TLN2: variants seen among roughly 807,000 people sequenced by gnomAD.
TLN2 encodes talin 2, also known as talin-2.
TLN2 carries 118 observed loss-of-function variants against 294.7 expected under a neutral mutation model. That is an observed-to-expected ratio of 0.40 (90% CI 0.34 to 0.47). The LOEUF is 0.47. Ranked by LOEUF, TLN2 falls within the 20% of genes least tolerant of loss-of-function variation. The probability of loss-of-function intolerance (pLI) is 0.84; values close to 1 mark genes in which losing one functional copy is unlikely to be tolerated. For synonymous variants in TLN2, 1,431 were observed against 1,304.5 expected (o/e 1.10, Z -2.09); for missense variants, 3,083 against 3,282.2 (o/e 0.94, Z 1.48).
intron 54 of TLN2, among the ~76,000 whole-genome samples, chr15:62,824,315 C>T (rs1249834588): frequency 6.6e-6 from 1 of 152,180 alleles, no homozygotes; most frequent in Non-Finnish European, 1.5e-5. Context: ...GTGGAAAAAA[C>T]GGTTCCAACC....
chr15:62,741,748 C>CGCGCGCGCGCGCGTGTGTGTGT lies in TLN2; in HGVS notation c.4025+980_4025+981insCGCGCGCGCGCGTGTGTGTGTG. On this transcript the variant is annotated intron_variant, in intron 32 of 58. Coordinates refer to ENST00000636159, the MANE Select transcript of TLN2 (RefSeq NM_015059.3). ...TTAACTTGGTTTTTTAAAATTTGCG[C>CGCGCGCGCGCGCGTGTGTGTGT]GTGTGTGTGTGTGTGTGTGTCTTTA... is the stretch of plus-strand genomic sequence containing the variant. 6.5e-4 allele frequency among the ~76,000 whole-genome samples: 85 copies of CGCGCGCGCGCGCGTGTGTGTGT among 131,164 alleles called. 1 individual carries two copies. Among genetic ancestry groups the CGCGCGCGCGCGCGTGTGTGTGT allele is most frequent in the South Asian group, 1.6e-3 (6 of 3,698 alleles). 86.0% of individuals were successfully genotyped at this position (131,164 alleles called of 152,430 possible).
At chr15:62,736,206 G>C (rs571568793) in intron 28 of TLN2, among the ~76,000 whole-genome samples, 1 of 151,936 alleles carries the variant, frequency 6.6e-6, no homozygotes, top group South Asian at 2.1e-4. Context: ...TGTAGTCCCA[G>C]ATACTTGGGA....
intron 21 of TLN2, 107 bp downstream of exon 21, chr15:62,708,903 A>G (rs1567418610): frequency 1.5e-6 from 2 of 1,320,950 alleles, no homozygotes; most frequent in East Asian, 2.5e-5. Flanking sequence ...GGCAAGGGCA[A>G]GTTCTCTTCA....
At chr15:62,677,841 G>T in intron 11 of TLN2, among the ~76,000 whole-genome samples, 1 of 103,098 alleles carries the variant, frequency 9.7e-6, no homozygotes. Flanking sequence ...ATTCACCCAG[G>T]CTAGAGAGCA....
chr15:62,560,229 A>G (rs992670070), intron 1 of TLN2, among the ~76,000 whole-genome samples: 1 of 152,116 alleles, frequency 6.6e-6, no homozygotes, highest in East Asian at 1.9e-4. Context: ...TTCCAATTCT[A>G]ATACTCCGTG....
At chr15:62,792,995 C>G (rs1444734436) in intron 46 of TLN2, among the ~76,000 whole-genome samples, 1 of 152,184 alleles carries the variant, frequency 6.6e-6, no homozygotes, top group Non-Finnish European at 1.5e-5. Flanking sequence ...AATTTGAGGG[C>G]TTAGAGGGAC....
chr15:62,454,572 A>G (rs1465049383), intron 1 of TLN2, among the ~76,000 whole-genome samples: 2 of 152,152 alleles, frequency 1.3e-5, no homozygotes, highest in Admixed American at 1.3e-4. Context: ...CAGATGCCTT[A>G]GAGCAAGTGT....
At chr15:62,739,628 A>G in intron 31 of TLN2, 83 bp downstream of exon 31, 1 of 1,508,566 alleles carries the variant, frequency 6.6e-7, no homozygotes, top group Non-Finnish European at 9.0e-7. Context: ...GACTGAACAA[A>G]TAGGAAAAGG....
At chr15:62,687,431 T>C (rs1172202321) in intron 12 of TLN2, among the ~76,000 whole-genome samples, 1 of 152,218 alleles carries the variant, frequency 6.6e-6, no homozygotes, top group Non-Finnish European at 1.5e-5. Context: ...TAGTATAAAA[T>C]TTATGGAAAG....
At chr15:62,401,226 C>A (rs914805917) in intron 1 of TLN2, among the ~76,000 whole-genome samples, 2 of 152,184 alleles carry the variant, frequency 1.3e-5, no homozygotes, top group East Asian at 3.9e-4. Flanking sequence ...TCTCACTGAT[C>A]TCCTAGTTCT....
chr15:62,834,399 TTC>T (rs1262393616), intron 55 of TLN2: 2 of 152,122 alleles, frequency 1.3e-5, no homozygotes, highest in Non-Finnish European at 2.9e-5. Flanking sequence ...TGTCATTCAT[TTC>T]TGTTTGATAT....
intron 1 of TLN2, among the ~76,000 whole-genome samples, chr15:62,481,699 T>C (rs1337064708): frequency 6.6e-6 from 1 of 152,132 alleles, no homozygotes; most frequent in African/African-American, 2.4e-5. Flanking sequence ...TAATATTGTT[T>C]TTATATAATG....
intron 2 of TLN2, among the ~76,000 whole-genome samples, chr15:62,607,666 T>G (rs1456706025): frequency 6.6e-6 from 1 of 152,242 alleles, no homozygotes; most frequent in Non-Finnish European, 1.5e-5. Flanking sequence ...AGCTGTGATT[T>G]TGTCTTCATT....
chr15:62,741,744 T>TGCGCGC (rs759339683), intron 32 of TLN2, among the ~76,000 whole-genome samples: 5 of 12,716 alleles, frequency 3.9e-4, no homozygotes, highest in African/African-American at 5.6e-4. Context: ...TTTTAAAATT[T>TGCGCGC]GCGCGTGTGT....
intron 35 of TLN2, 110 bp from the exon 36 acceptor site, chr15:62,753,663 C>G: frequency 7.3e-7 from 1 of 1,365,000 alleles, no homozygotes; most frequent in Non-Finnish European, 9.8e-7. Flanking sequence ...CCAGTTTGAA[C>G]TGAGGAGTGC....
intron 4 of TLN2, among the ~76,000 whole-genome samples, chr15:62,649,719 G>A (rs771839764): frequency 6.6e-6 from 1 of 152,092 alleles, no homozygotes; most frequent in African/African-American, 2.4e-5. Flanking sequence ...TTTCTCCCCC[G>A]CTGTCTTGTC....
chr15:62,761,614 AT>A (rs2062677282), intron 37 of TLN2, 66 bp from the exon 38 acceptor site: 8 of 1,604,166 alleles, frequency 5.0e-6, no homozygotes, highest in Non-Finnish European at 6.0e-6. Context: ...CTAAGAGGTG[AT>A]TACTGTGGTT....
At chr15:62,765,556 G>C (rs373652075) in intron 40 of TLN2, among the ~76,000 whole-genome samples, 10 of 152,080 alleles carry the variant, frequency 6.6e-5, no homozygotes, top group African/African-American at 2.4e-4. Flanking sequence ...CATTAATCCT[G>C]TATCTATCAG....
chr15:62,800,855 A>G (rs2065885860), intron 50 of TLN2, 86 bp downstream of exon 50: 1 of 1,129,440 alleles, frequency 8.9e-7, no homozygotes, highest in Non-Finnish European at 1.3e-6. Flanking sequence ...TTTACCAATG[A>G]GGTTTTACCT....
Sources: gnomAD v4.1 joint callset for allele counts (sites outside exome capture counted in the v4.1 genomes callset) on GRCh38, gnomAD v4.1.1 for gene constraint, MANE v1.5 for transcripts, NCBI Gene and HGNC (gene_info 2026-07-23, HGNC 2026-07-21) for gene names.